The following SPON1 variants were observed in gnomAD, a reference collection of about 807,000 sequenced individuals.
SPON1 encodes the protein spondin-1.
Under a neutral mutation model 111.7 loss-of-function variants are expected in SPON1, and 52 were observed. The observed-to-expected ratio is 0.47, with a 90% CI of 0.37 to 0.59. The LOEUF (loss-of-function observed/expected upper bound fraction) is 0.59, where lower values mean the gene tolerates loss of function less well. Among genes scored for constraint, SPON1 ranks in the 20% least tolerant of loss-of-function variants. SPON1 has a pLI of 0.00. For synonymous variants in SPON1, 410 were observed against 395.8 expected, an observed-to-expected ratio of 1.04 and a Z score of -0.43; for missense variants, 957 against 1,068.5, an observed-to-expected ratio of 0.90 and a Z score of 1.46.
chr11:14,213,684 G>A (rs1848599723), intron 6 of SPON1, among the ~76,000 whole-genome samples: 2 of 152,288 alleles, frequency 1.3e-5, no homozygotes, highest in South Asian at 2.1e-4. Context: ...TTGAGCTGAG[G>A]AAATAGCCAA....
chr11:14,122,466 C>T (rs1847402421), intron 5 of SPON1, among the ~76,000 whole-genome samples: 1 of 152,228 alleles, frequency 6.6e-6, no homozygotes, highest in African/African-American at 2.4e-5. Context: ...AGCCACTGTG[C>T]CCGGCCTGTC....
At chr11:14,236,180 G>A (rs1367555018) in intron 6 of SPON1, among the ~76,000 whole-genome samples, 1 of 152,132 alleles carries the variant, frequency 6.6e-6, no homozygotes, top group Non-Finnish European at 1.5e-5. Flanking sequence ...AGACCTGCTA[G>A]GAAGCAACTG....
chr11:14,161,113 CTATA>C (rs1478717625), intron 6 of SPON1, among the ~76,000 whole-genome samples: 1 of 43,154 alleles, frequency 2.3e-5, no homozygotes, highest in African/African-American at 9.9e-5. Context: ...TTATATATAT[CTATA>C]TATCTATATA....
chr11:14,176,038 G>A (rs1226585855), intron 6 of SPON1, among the ~76,000 whole-genome samples: 2 of 152,034 alleles, frequency 1.3e-5, no homozygotes, highest in Admixed American at 6.6e-5. Flanking sequence ...ACTCTATGTG[G>A]GGACAGATGA....
At chr11:14,196,501 T>A (rs550689271) in intron 6 of SPON1, among the ~76,000 whole-genome samples, 51 of 151,476 alleles carry the variant, frequency 3.4e-4, no homozygotes, top group East Asian at 3.3e-3. Flanking sequence ...GCTGCTATTT[T>A]AAAAAAAAAT....
At chr11:14,063,402 C>CCCTCCCTT (rs1309533772) in intron 3 of SPON1, among the ~76,000 whole-genome samples, 1 of 152,128 alleles carries the variant, frequency 6.6e-6, no homozygotes, top group Non-Finnish European at 1.5e-5. Context: ...TTCCTTCCTT[C>CCCTCCCTT]CCTCCCTTCC....
At chr11:14,184,081 TCAAA>T (rs1470808187) in intron 6 of SPON1, among the ~76,000 whole-genome samples, 8 of 152,192 alleles carry the variant, frequency 5.3e-5, no homozygotes, top group African/African-American at 1.9e-4. Context: ...GGCCCAGAAC[TCAAA>T]CATTCAACCG....
chr11:14,161,629 C>T (rs1481346327), intron 6 of SPON1, among the ~76,000 whole-genome samples: 1 of 151,866 alleles, frequency 6.6e-6, no homozygotes, highest in South Asian at 2.1e-4. Context: ...AGAGCACTTA[C>T]ATTAACCCAA....
rs1400240529 is a variant in SPON1 at position 14,201,111 on chromosome 11, C to T, written c.826-42221C>T. Among the ~76,000 whole-genome samples the T allele has an allele frequency of 5.3e-5, 8 of 151,888 alleles. No homozygotes were observed. In the East Asian group the frequency reaches 9.7e-4, roughly 18 times the overall value. On this transcript the variant is annotated intron_variant, in intron 6 of 15. Coordinates refer to ENST00000576479, the MANE Select transcript of SPON1 (RefSeq NM_006108.4). ...ATCCCAGCACTTTGGGAGGCCAGGG[C>T]GGGTAGATCACAAGGTCAGGAGGTC...
intron 2 of SPON1, among the ~76,000 whole-genome samples, chr11:14,031,829 C>G (rs1024872215): frequency 6.6e-6 from 1 of 152,138 alleles, no homozygotes; most frequent in African/African-American, 2.4e-5. Flanking sequence ...TGAAAAAATA[C>G]ACGTAGGAAA....
At position 14,262,852 on chromosome 11, in the gene SPON1, A is replaced by T; in HGVS notation, c.2137A>T (p.Lys713Ter). Reference protein sequence around the residue: ...GAPCPETVQRKKCRIRKCLRN... With the variant: ...GAPCPETVQR ...ACCCTGCCCAGAGACTGTGCAGCGA[A>T]AAAAGTGCCGCATCCGAAAATGCCT... The change falls in exon 15 of 16, where the codon AAA becomes TAA. Residue 713 changes from lysine to a stop codon, truncating the protein, a stop_gained. Coordinates refer to ENST00000576479, the MANE Select transcript of SPON1 (RefSeq NM_006108.4). LOFTEE classifies it high-confidence loss of function. 6.2e-7 allele frequency: 1 copy of T among 1,613,878 alleles called. No homozygotes were observed. Among genetic ancestry groups the T allele is most frequent in the Non-Finnish European group, 8.5e-7 (1 of 1,179,870 alleles).
At chr11:14,027,749 T>C (rs1162366219) in intron 2 of SPON1, among the ~76,000 whole-genome samples, 1 of 152,190 alleles carries the variant, frequency 6.6e-6, no homozygotes, top group Non-Finnish European at 1.5e-5. Context: ...TTATGTAAAG[T>C]ATTCAAGAGC....
chr11:14,242,489 A>G (rs1848939296), intron 6 of SPON1, among the ~76,000 whole-genome samples: 1 of 151,992 alleles, frequency 6.6e-6, no homozygotes, highest in Non-Finnish European at 1.5e-5. Context: ...AGCTGACTCC[A>G]CTCTAGGGAA....
chr11:14,237,704 C>G (rs1468814845), intron 6 of SPON1, among the ~76,000 whole-genome samples: 1 of 152,240 alleles, frequency 6.6e-6, no homozygotes, highest in African/African-American at 2.4e-5. Context: ...TAGTAGCAGA[C>G]AGTTTTTCTT....
chr11:14,095,566 C>T (rs1337690213), intron 5 of SPON1, among the ~76,000 whole-genome samples: 1 of 152,098 alleles, frequency 6.6e-6, no homozygotes, highest in Non-Finnish European at 1.5e-5. Context: ...TAGTTGAATT[C>T]CAAAAGCCTG....
At chr11:14,182,597 G>A (rs782768031) in intron 6 of SPON1, among the ~76,000 whole-genome samples, 1 of 152,034 alleles carries the variant, frequency 6.6e-6, no homozygotes, top group Non-Finnish European at 1.5e-5. Context: ...GTGCAATTTG[G>A]GTATTGCACA....
chr11:14,090,827 C>G (rs12223979), intron 5 of SPON1, among the ~76,000 whole-genome samples: 1 of 13,262 alleles, frequency 7.5e-5, no homozygotes, highest in Non-Finnish European at 1.4e-4. Flanking sequence ...TTATCTGGCC[C>G]CCCCCCCCCC....
chr11:14,112,005 G>A (rs1445745730), intron 5 of SPON1, among the ~76,000 whole-genome samples: 5 of 151,568 alleles, frequency 3.3e-5, no homozygotes, highest in African/African-American at 1.2e-4. Context: ...CACCTTTTGT[G>A]CCAGAGACAC....
At chr11:14,256,779 T>C in intron 10 of SPON1, 87 bp downstream of exon 10, 1 of 999,872 alleles carries the variant, frequency 1.0e-6, no homozygotes, top group Non-Finnish European at 1.6e-6. Flanking sequence ...TTAAGAACCA[T>C]AAACCATGTG....
Sources: allele counts gnomAD v4.1 joint callset (sites outside exome capture counted in the v4.1 genomes callset), GRCh38; gene constraint gnomAD v4.1.1; transcripts MANE v1.5; gene names NCBI Gene and HGNC (gene_info 2026-07-23, HGNC 2026-07-21).